Variants in TUBGCP3 observed in about 807,000 individuals in gnomAD.
TUBGCP3 encodes the protein tubulin gamma complex component 3, also known as gamma-tubulin complex component 3.
In TUBGCP3, 50 loss-of-function variants were observed where a neutral mutation model predicts 123.1. The observed-to-expected ratio is 0.41, with a 90% CI of 0.32 to 0.51. TUBGCP3 has a LOEUF of 0.51. Ranked by LOEUF, TUBGCP3 falls within the 20% of genes least tolerant of loss-of-function variation. The pLI is 0.36. For missense variants in TUBGCP3, 882 were observed against 1,127.0 expected (o/e 0.78, Z 3.11); for synonymous variants, 405 against 413.9 (o/e 0.98, Z 0.26).
intron 17 of TUBGCP3, among the ~76,000 whole-genome samples, chr13:112,505,726 T>C (rs1881250347): frequency 6.6e-6 from 1 of 152,232 alleles, no homozygotes; most frequent in Admixed American, 6.5e-5. Flanking sequence ...ATGTAAATTC[T>C]TAAACAGACG....
chr13:112,505,111 G>A (rs1881204053), intron 17 of TUBGCP3, among the ~76,000 whole-genome samples: 1 of 152,138 alleles, frequency 6.6e-6, no homozygotes, highest in Admixed American at 6.5e-5. Context: ...GCTCTCTGGA[G>A]ATAAAGGTGA....
chr13:112,556,875 G>A (rs1049753073), intron 5 of TUBGCP3, among the ~76,000 whole-genome samples: 2 of 152,144 alleles, frequency 1.3e-5, no homozygotes, highest in Non-Finnish European at 2.9e-5. Context: ...TTCTAATAGC[G>A]TCAGTTTTGA....
At position 112,558,397 on chromosome 13, in the gene TUBGCP3, G is replaced by A. The variant is rs201950168; in HGVS notation, c.347C>T (p.Thr116Met). 1.5e-4 allele frequency: 236 copies of A among 1,569,886 alleles called. 2 individuals carry two copies. Among genetic ancestry groups the A allele is most frequent in the Admixed American group, 1.0e-3 (57 of 57,020 alleles). ...RQPSKVSSYA[T>M]LFAQALPRDA... ...TCTTGGTAAGGCCTGAGCAAATAAC[G>A]TAGCATAGCTAGAAACCTGAAAAGA... is the stretch of plus-strand genomic sequence containing the variant. Residue 116 changes from threonine (T) to methionine (M), a missense_variant, in exon 5 of 22, where the codon ACG becomes ATG. By Grantham distance (81) the Thr-to-Met change is moderately conservative. Coordinates refer to ENST00000261965, the MANE Select transcript of TUBGCP3 (RefSeq NM_006322.6).
In TUBGCP3 at chr13:112,485,314, TAA is replaced by T. The variant is rs1879582075; in HGVS notation, c.*677_*678del. 6.6e-6 allele frequency: 1 copy of T among 152,622 alleles called. No homozygotes were observed. Among genetic ancestry groups the T allele is most frequent in the Admixed American group, 6.5e-5 (1 of 15,284 alleles). The allele number at this position is 152,622 out of a possible 1,614,324, so 9.5% of individuals were successfully genotyped here. On this transcript the variant is annotated 3_prime_UTR_variant, in exon 22 of 22. Coordinates refer to ENST00000261965, the MANE Select transcript of TUBGCP3 (RefSeq NM_006322.6). The stretch of plus-strand genomic sequence containing the variant: ...TTCGCGGTATTTGGGTTGCACTGTA[TAA>T]GAGTATTTTTGTTCTCTATCACTCC...
At chr13:112,499,958 G>A (rs772228865) in intron 19 of TUBGCP3, among the ~76,000 whole-genome samples, 2 of 152,108 alleles carry the variant, frequency 1.3e-5, no homozygotes, top group Admixed American at 6.5e-5. Flanking sequence ...CAAGGCCATA[G>A]AGCAAATACA....
intron 11 of TUBGCP3, among the ~76,000 whole-genome samples, chr13:112,540,077 G>T (rs56225958): frequency 1.3e-5 from 2 of 150,528 alleles, no homozygotes; most frequent in Non-Finnish European, 3.0e-5. Context: ...TGGGAATGAG[G>T]ACGTCAATGT....
chr13:112,533,381 A>G (rs1877754307), intron 11 of TUBGCP3, among the ~76,000 whole-genome samples: 1 of 152,196 alleles, frequency 6.6e-6, no homozygotes, highest in Admixed American at 6.5e-5. Context: ...TGCATCTCTC[A>G]TGTTTGCAAA....
intron 14 of TUBGCP3, chr13:112,521,797 C>T (rs1266444538): frequency 1.0e-6 from 1 of 985,278 alleles, no homozygotes; most frequent in Non-Finnish European, 1.2e-6. Context: ...GGGGTCTGCA[C>T]TGTCTCTAGA....
intron 12 of TUBGCP3, 110 bp from the exon 13 acceptor site, chr13:112,527,160 G>C (rs1347694033): frequency 3.1e-6 from 3 of 967,448 alleles, no homozygotes; most frequent in Non-Finnish European, 4.7e-6. Flanking sequence ...ACTAACAAGA[G>C]CATCTGCTAC....
Position 112,556,042 on chromosome 13 carries a change from C to T in TUBGCP3, c.721+10G>A. 6.2e-7 allele frequency: 1 copy of T among 1,609,486 alleles called. No individual in the cohort carries two copies. Among genetic ancestry groups the T allele is most frequent in the East Asian group, 2.2e-5 (1 of 44,708 alleles). ...ACAGAAAAGCTGTATTAACATAGAT[C>T]CTTACTCACCACCCGTATCCCCTTC... On this transcript the variant is annotated intron_variant, in intron 6 of 21. Coordinates refer to ENST00000261965, the MANE Select transcript of TUBGCP3 (RefSeq NM_006322.6).
chr13:112,594,351 CA>C, the TUBGCP3 span, among the ~76,000 whole-genome samples: 1 of 152,120 alleles, frequency 6.6e-6, no homozygotes, highest in African/African-American at 2.4e-5. Context: ...CATAACTCCT[CA>C]ATAGAATAAA....
chr13:112,602,353 C>T, the TUBGCP3 span, among the ~76,000 whole-genome samples: 9 of 152,122 alleles, frequency 5.9e-5, no homozygotes, highest in South Asian at 2.1e-4. Context: ...TTGAACAAAG[C>T]GCTTCACCCA....
chr13:112,591,359 A>T (rs1882879338), upstream of TUBGCP3, among the ~76,000 whole-genome samples: 1 of 152,240 alleles, frequency 6.6e-6, no homozygotes, highest in South Asian at 2.1e-4. Context: ...AAGACACCTG[A>T]CCAGGCCTGT....
intron 17 of TUBGCP3, among the ~76,000 whole-genome samples, chr13:112,514,092 G>C (rs985386214): frequency 6.6e-6 from 1 of 152,160 alleles, no homozygotes; most frequent in African/African-American, 2.4e-5. Flanking sequence ...AGTACGGTGA[G>C]ATCTTTTGAG....
At chr13:112,527,621 A>C (rs1877242353) in intron 11 of TUBGCP3, 137 bp from the exon 12 acceptor site, 2 of 611,986 alleles carry the variant, frequency 3.3e-6, no homozygotes, top group Admixed American at 6.5e-5. Flanking sequence ...TTATACAATA[A>C]AACTTGTATG....
At chr13:112,544,002 G>A (rs988240464) in intron 11 of TUBGCP3, among the ~76,000 whole-genome samples, 2 of 152,158 alleles carry the variant, frequency 1.3e-5, no homozygotes, top group Non-Finnish European at 2.9e-5. Context: ...CCAGTGAGAT[G>A]GCACATTTCG....
At chr13:112,503,992 T>G in intron 19 of TUBGCP3, 40 bp downstream of exon 19, 1 of 1,560,724 alleles carries the variant, frequency 6.4e-7, no homozygotes, top group Non-Finnish European at 8.7e-7. Context: ...AAGAAGATGA[T>G]TCTTTTGGTT....
intron 6 of TUBGCP3, among the ~76,000 whole-genome samples, chr13:112,555,230 G>A (rs555746513): frequency 4.4e-4 from 67 of 152,310 alleles, no homozygotes; most frequent in Admixed American, 2.2e-3. Flanking sequence ...TGTCAAACAC[G>A]ACATGAATCT....
At chr13:112,549,567 GC>G (rs1379658375) in intron 8 of TUBGCP3, among the ~76,000 whole-genome samples, 2 of 151,974 alleles carry the variant, frequency 1.3e-5, no homozygotes, top group Non-Finnish European at 1.5e-5. Flanking sequence ...TTTCTTTCAT[GC>G]TCTTAATTAA....
Sources: gnomAD v4.1 joint callset for allele counts (sites outside exome capture counted in the v4.1 genomes callset) on GRCh38, gnomAD v4.1.1 for gene constraint, MANE v1.5 for transcripts, NCBI Gene and HGNC (gene_info 2026-07-23, HGNC 2026-07-21) for gene names.